Variants in SLC25A12 observed in about 807,000 individuals in gnomAD.
The protein encoded by SLC25A12 is electrogenic aspartate/glutamate antiporter SLC25A12, mitochondrial.
SLC25A12 carries 32 observed loss-of-function variants against 83.3 expected under a neutral mutation model. That is an observed-to-expected ratio of 0.38 (90% confidence interval 0.29 to 0.52). SLC25A12 has a LOEUF of 0.52. SLC25A12 is among the 20% of genes least tolerant of loss of function. The pLI is 0.84. For missense variants in SLC25A12, 611 were observed against 835.6 expected (o/e 0.73, Z 3.31); for synonymous variants, 267 against 291.1 (o/e 0.92, Z 0.84).
At chr2:171,801,894 G>A (rs989718991) in intron 13 of SLC25A12, among the ~76,000 whole-genome samples, 2 of 139,548 alleles carry the variant, frequency 1.4e-5, no homozygotes, top group Admixed American at 1.5e-4. Context: ...TGGAAGTCGA[G>A]GAATATCTGG....
chr2:171,844,393 G>A lies in SLC25A12; in HGVS notation c.441C>T (p.Tyr147=), dbSNP rs779540401. ...FGHNRKKHLN[Y]TEFTQFLQEL... ...CCTGGAGAAACTGCGTGAATTCTGTGTAGTTAAGATGCTTCTTCCGGTTAT... is the reference window on the plus strand; with the variant it reads ...CCTGGAGAAACTGCGTGAATTCTGTATAGTTAAGATGCTTCTTCCGGTTAT... The change falls in exon 5 of 18, where the codon TAC becomes TAT. Residue 147 remains tyrosine, a synonymous_variant. Coordinates refer to ENST00000422440, the MANE Select transcript of SLC25A12 (RefSeq NM_003705.5). The A allele has an allele frequency of 6.2e-7, 1 of 1,614,040 alleles. No individual in the cohort carries two copies.
chr2:171,893,281 A>G (rs1245020236), intron 1 of SLC25A12, 23 bp from the exon 2 acceptor site: 1 of 1,611,656 alleles, frequency 6.2e-7, no homozygotes. Flanking sequence ...AAGAAAAAAA[A>G]GCCAGTTAAT....
intron 8 of SLC25A12, among the ~76,000 whole-genome samples, chr2:171,831,278 A>G (rs1041553517): frequency 6.6e-6 from 1 of 152,206 alleles, no homozygotes; most frequent in Non-Finnish European, 1.5e-5. Context: ...TGTTTTCCTC[A>G]TGGAACCCCA....
chr2:171,821,736 G>C (rs954581425), intron 9 of SLC25A12, among the ~76,000 whole-genome samples: 2 of 152,122 alleles, frequency 1.3e-5, no homozygotes, highest in South Asian at 4.1e-4. Flanking sequence ...TCTGGATACA[G>C]ATCCTCTATT....
At chr2:171,891,903 A>C (rs896047171) in intron 2 of SLC25A12, among the ~76,000 whole-genome samples, 3 of 152,366 alleles carry the variant, frequency 2.0e-5, no homozygotes, top group Admixed American at 6.5e-5. Context: ...TATTTTTCAT[A>C]AACTACACAT....
At chr2:171,789,451 AT>A (rs1198165804) in intron 15 of SLC25A12, among the ~76,000 whole-genome samples, 1 of 152,000 alleles carries the variant, frequency 6.6e-6, no homozygotes, top group Non-Finnish European at 1.5e-5. Context: ...GATGGTCTCG[AT>A]CTCCTGACCT....
intron 9 of SLC25A12, among the ~76,000 whole-genome samples, chr2:171,825,795 T>C (rs1311567449): frequency 6.6e-6 from 1 of 152,222 alleles, no homozygotes; most frequent in Non-Finnish European, 1.5e-5. Flanking sequence ...CTAAGTGCTA[T>C]AGAAGTGGAA....
chr2:171,874,794 A>C (rs1388381116), intron 2 of SLC25A12, among the ~76,000 whole-genome samples: 1 of 152,358 alleles, frequency 6.6e-6, no homozygotes, highest in East Asian at 1.9e-4. Context: ...AAAATCAAAT[A>C]TCACATGTTC....
chr2:171,792,907 G>C (rs1683511536), intron 14 of SLC25A12, among the ~76,000 whole-genome samples: 1 of 152,196 alleles, frequency 6.6e-6, no homozygotes, highest in Admixed American at 6.5e-5. Flanking sequence ...ATCTATATCA[G>C]ATGCTGTGGA....
chr2:171,833,183 C>T (rs112865430), intron 8 of SLC25A12, among the ~76,000 whole-genome samples: 4 of 152,124 alleles, frequency 2.6e-5, no homozygotes, highest in African/African-American at 9.7e-5. Context: ...CAAGAAGTCA[C>T]CCTATCTCCA....
At chr2:171,809,401 C>A in intron 13 of SLC25A12, 1 of 585,808 alleles carries the variant, frequency 1.7e-6, no homozygotes, top group Non-Finnish European at 3.0e-6. Flanking sequence ...ACCATTCTAA[C>A]TGGCGGAAAA....
chr2:171,859,313 T>C (rs757641365), intron 3 of SLC25A12, among the ~76,000 whole-genome samples: 19 of 152,066 alleles, frequency 1.2e-4, no homozygotes, highest in Non-Finnish European at 1.8e-4. Flanking sequence ...ACTTAAAAAT[T>C]AGTCAAAAAT....
In SLC25A12 at chr2:171,815,177, A is replaced by G; in HGVS notation, c.956T>C (p.Ile319Thr). ...AGCAGACTCGGCAATCTGGAGCCAG[A>G]TAGGCCTGCCTAACCCAGGAGACTG... Reference protein sequence around the residue: ...RQQSPGLGRPIWLQIAESAYR... With the variant: ...RQQSPGLGRPTWLQIAESAYR... The change falls in exon 10 of 18, where the codon ATC becomes ACC. Residue 319 changes from isoleucine (I) to threonine (T), a missense_variant. Physicochemically the swap from Ile to Thr is moderately conservative, Grantham distance 89. Coordinates refer to ENST00000422440, the MANE Select transcript of SLC25A12 (RefSeq NM_003705.5). 6.2e-7 allele frequency: 1 copy of G among 1,613,868 alleles called. No individual in the cohort carries two copies. The highest frequency in any genetic ancestry group is 1.1e-5 in the South Asian group (1 of 91,080).
intron 4 of SLC25A12, among the ~76,000 whole-genome samples, chr2:171,847,647 A>C (rs889152471): frequency 6.6e-6 from 1 of 152,206 alleles, no homozygotes; most frequent in African/African-American, 2.4e-5. Context: ...AGAAAGGGAA[A>C]TGACAGTCAC....
chr2:171,797,077 T>C (rs868855869), intron 13 of SLC25A12, among the ~76,000 whole-genome samples: 4 of 152,246 alleles, frequency 2.6e-5, no homozygotes, highest in Admixed American at 6.5e-5. Context: ...CTATTGATTA[T>C]AAATGATATC....
chr2:171,848,439 G>T (rs755563759), intron 4 of SLC25A12, among the ~76,000 whole-genome samples: 4 of 152,172 alleles, frequency 2.6e-5, no homozygotes, highest in Non-Finnish European at 5.9e-5. Flanking sequence ...CTCAGTAGCT[G>T]AATTTCACCT....
intron 13 of SLC25A12, among the ~76,000 whole-genome samples, chr2:171,797,639 T>C (rs191507785): frequency 6.6e-6 from 1 of 152,310 alleles, no homozygotes; most frequent in East Asian, 1.9e-4. Context: ...ATGGTAAATT[T>C]GGTAATTTGG....
intron 2 of SLC25A12, among the ~76,000 whole-genome samples, chr2:171,886,588 C>A (rs1260993434): frequency 6.6e-6 from 1 of 151,912 alleles, no homozygotes; most frequent in Non-Finnish European, 1.5e-5. Flanking sequence ...CGGCTCACTG[C>A]AACCTCAGCC....
chr2:171,843,937 A>G (rs1042475586), intron 5 of SLC25A12, among the ~76,000 whole-genome samples: 10 of 151,886 alleles, frequency 6.6e-5, no homozygotes, highest in African/African-American at 2.2e-4. Flanking sequence ...CTAGGACTAC[A>G]GGCGCCCGCC....
Sources: gnomAD v4.1 joint callset for allele counts (sites outside exome capture counted in the v4.1 genomes callset) on GRCh38, gnomAD v4.1.1 for gene constraint, MANE v1.5 for transcripts, NCBI Gene and HGNC (gene_info 2026-07-23, HGNC 2026-07-21) for gene names.